Variants in SMARCA4 observed in about 807,000 individuals in gnomAD.
The protein encoded by SMARCA4 is SWI/SNF-related matrix-associated actin-dependent regulator of chromatin subfamily A member 4.
A neutral mutation model predicts 193.9 loss-of-function variants in SMARCA4; 31 were observed. The ratio of observed to expected loss-of-function variants is 0.16; its 90% CI spans 0.12 to 0.22. SMARCA4 has a LOEUF of 0.22. SMARCA4 is among the 10% of genes least tolerant of loss of function. The pLI is 1.00. For synonymous variants in SMARCA4, 942 were observed against 933.1 expected (o/e 1.01, Z -0.17); for missense variants, 1,148 against 2,296.0 (o/e 0.50, Z 10.22).
chr19:10,996,443 TG>T (rs1338135151), intron 10 of SMARCA4, 50 bp from the exon 11 acceptor site: 1 of 1,613,712 alleles, frequency 6.2e-7, no homozygotes, highest in East Asian at 2.2e-5. Flanking sequence ...TTCACGTGTG[TG>T]GCCTCAGCCT....
chr19:11,022,041 A>G (rs1600280770), intron 19 of SMARCA4, 74 bp downstream of exon 19: 1 of 1,602,422 alleles, frequency 6.2e-7, no homozygotes, highest in Non-Finnish European at 8.5e-7. Flanking sequence ...CGTGTTGAGC[A>G]CCAGCTACAG....
intron 30 of SMARCA4, among the ~76,000 whole-genome samples, chr19:11,045,642 C>CTTT (rs757114648): frequency 6.9e-6 from 1 of 144,050 alleles, no homozygotes. Flanking sequence ...TGTTAGTCCA[C>CTTT]TTTTTTTTTT....
At chr19:10,962,802 C>A (rs1382292104) in intron 1 of SMARCA4, among the ~76,000 whole-genome samples, 1 of 151,000 alleles carries the variant, frequency 6.6e-6, no homozygotes, top group African/African-American at 2.4e-5. Context: ...CTCGGCCTCC[C>A]AAAGTGCTAG....
chr19:11,046,507 G>T (rs1004354364), intron 30 of SMARCA4, among the ~76,000 whole-genome samples: 4 of 152,204 alleles, frequency 2.6e-5, no homozygotes, highest in African/African-American at 9.7e-5. Flanking sequence ...GAGTAACTAC[G>T]TTGGAATTAC....
At chr19:10,995,420 C>A (rs557055759) in intron 9 of SMARCA4, 2 of 462,226 alleles carry the variant, frequency 4.3e-6, no homozygotes, top group South Asian at 3.1e-5. Context: ...GACATGGCCC[C>A]TGCCTTTGTG....
chr19:11,019,067 C>A lies in SMARCA4; in HGVS notation c.2505+44C>A, dbSNP rs369243488. 6.7e-7 allele frequency: 1 copy of A among 1,483,158 alleles called. No homozygotes were observed. The highest frequency in any genetic ancestry group is 9.4e-7 in the Non-Finnish European group (1 of 1,060,516). The allele number at this position is 1,483,158 out of a possible 1,614,324, so 91.9% of individuals were successfully genotyped here. A position where few individuals can be genotyped will look rare whatever the true frequency, so the allele number is the denominator to read the frequency against. On this transcript the variant is annotated intron_variant, in intron 17 of 34. Transcript: ENST00000344626. This position sits in a 1 kb window ranked among gnomAD's most constrained non-coding sequence, Gnocchi z 6.1. ...GGTTTCCTCTCTTGCTACGGAGGTG[C>A]AGGCGGTGGTGGGCAGGACGTCCAC...
chr19:11,061,332 ACAG>A (rs1294533463), intron 34 of SMARCA4, among the ~76,000 whole-genome samples: 26 of 150,602 alleles, frequency 1.7e-4, no homozygotes, highest in African/African-American at 6.4e-4. Context: ...GTGACATGGG[ACAG>A]AGCAGGGAAG....
chr19:11,060,446 C>G (rs1341934832), intron 34 of SMARCA4: 1 of 571,132 alleles, frequency 1.8e-6, no homozygotes, highest in African/African-American at 1.9e-5. Flanking sequence ...CGTGAGTCCT[C>G]AGGACAGGCA....
At chr19:11,006,327 A>G (rs1030408052) in intron 13 of SMARCA4, among the ~76,000 whole-genome samples, 1 of 152,284 alleles carries the variant, frequency 6.6e-6, no homozygotes, top group Non-Finnish European at 1.5e-5. Context: ...TGATTAAACA[A>G]GTTCGTAGAT....
chr19:10,971,698 C>T (rs1455617632), intron 1 of SMARCA4, among the ~76,000 whole-genome samples: 1 of 151,840 alleles, frequency 6.6e-6, no homozygotes, highest in African/African-American at 2.4e-5. Flanking sequence ...AAATTCCTGG[C>T]CTCAAGTGAT....
intron 19 of SMARCA4, among the ~76,000 whole-genome samples, chr19:11,022,943 T>C (rs868714075): frequency 2.0e-5 from 3 of 152,380 alleles, no homozygotes; most frequent in Admixed American, 6.5e-5. Flanking sequence ...AAGAAAAGTT[T>C]TGGCGTCGTC....
In SMARCA4 at chr19:10,966,146, C is replaced by T. The variant is rs559881758; in HGVS notation, c.-32+4972C>T. ...TACAGGTGCCCGCCACCATGCCTGG[C>T]TAATTTTTTGTATATTTAGTAGAAA... On this transcript the variant is annotated intron_variant, in intron 1 of 34. Coordinates refer to ENST00000344626, the MANE Select transcript of SMARCA4 (RefSeq NM_003072.5). Among the ~76,000 whole-genome samples the T allele has an allele frequency of 1.6e-4, 24 of 152,026 alleles. No individual in the cohort carries two copies. In the East Asian group the frequency reaches 4.3e-3, roughly 27 times the overall value.
chr19:10,984,765 G>A lies in SMARCA4; in HGVS notation c.222+392G>A, dbSNP rs530528190. The stretch of plus-strand genomic sequence containing the variant: ...GCTCACCTGTGCAGCTCGCAGAGCC[G>A]AGCAGCGGGTTCCCTTTCCTCCAAG... On this transcript the variant is annotated intron_variant, in intron 2 of 34. Transcript: ENST00000344626. This position sits in a 1 kb window ranked among gnomAD's most constrained non-coding sequence, Gnocchi z 4.3. Among the ~76,000 whole-genome samples, 4 of 152,346 alleles carry A rather than the reference G, an allele frequency of 2.6e-5. No individual in the cohort carries two copies. Among genetic ancestry groups the A allele is most frequent in the South Asian group, 2.1e-4 (1 of 4,832 alleles).
intron 32 of SMARCA4, chr19:11,059,375 C>G: frequency 2.9e-6 from 1 of 341,310 alleles, no homozygotes; most frequent in South Asian, 2.7e-5. Context: ...GGATTGATTC[C>G]TCTCAGAAAA....
intron 30 of SMARCA4, among the ~76,000 whole-genome samples, chr19:11,044,182 C>T (rs1469248861): frequency 1.3e-5 from 2 of 151,996 alleles, no homozygotes; most frequent in Non-Finnish European, 2.9e-5. Flanking sequence ...GGATGAGCCT[C>T]GACCACCCCC....
rs2146822112 is a variant in SMARCA4 at position 11,041,519 on chromosome 19, G to C, written c.4383G>C (p.Lys1461Asn). 1 of 1,613,880 alleles carries C rather than the reference G, an allele frequency of 6.2e-7. No individual in the cohort carries two copies. The highest frequency in any genetic ancestry group is 8.5e-7 in the Non-Finnish European group (1 of 1,180,006). Residue 1461 changes from lysine (K) to asparagine (N), a missense_variant, in exon 30 of 35, where the codon AAG becomes AAC. Physicochemically the swap from Lys to Asn is moderately conservative, Grantham distance 94. Around this residue, in one of 17 missense-constraint regions of SMARCA4, gnomAD observed 141 missense variants for 193.0 expected, o/e 0.73. Transcript: ENST00000344626. This position sits in a 1 kb window ranked among gnomAD's most constrained non-coding sequence, Gnocchi z 5.6. ...CTAACCCACCCAACCTCACCAAGAA[G>C]ATGAAGAAGATTGTGGATGCCGTGA... ...LSPNPPNLTK[K>N]MKKIVDAVIK...
chr19:11,005,963 C>T (rs1462036140), intron 13 of SMARCA4, among the ~76,000 whole-genome samples: 1 of 152,172 alleles, frequency 6.6e-6, no homozygotes, highest in Non-Finnish European at 1.5e-5. Flanking sequence ...AAGTCTCACT[C>T]CTATTTTAAT....
At position 11,003,307 on chromosome 19, in the gene SMARCA4, A is replaced by G. The variant is rs373720518; in HGVS notation, c.1944-33A>G. 2.4e-5 allele frequency: 38 copies of G among 1,609,804 alleles called. No homozygotes were observed. In the African/African-American group the frequency reaches 3.1e-4, roughly 13 times the overall value. ...AAAGTGAATTCTGCTGGCTCTGAGC[A>G]GATTTGTATGAAAGCCCTTACATTT... On this transcript the variant is annotated intron_variant, in intron 12 of 34. Coordinates refer to ENST00000344626, the MANE Select transcript of SMARCA4 (RefSeq NM_003072.5).
chr19:11,031,956 A>T lies in SMARCA4; in HGVS notation c.3546+1063A>T, dbSNP rs2074957549. On this transcript the variant is annotated intron_variant, in intron 25 of 34. Transcript: ENST00000344626. The surrounding 1 kb of genome is among the most constrained non-coding windows in gnomAD (Gnocchi z 4.3). ...GCAGCGTGAGGGCAGCAGCGTTCTC[A>T]GTGTGTAAATTGTCGCTTGTCTGAT... 6.6e-6 allele frequency: 1 copy of T among 152,180 alleles called. No individual in the cohort carries two copies. Among genetic ancestry groups the T allele is most frequent in the Admixed American group, 6.5e-5 (1 of 15,278 alleles). The allele number at this position is 152,180 out of a possible 1,614,324, so 9.4% of individuals were successfully genotyped here.
Sources: allele counts gnomAD v4.1 joint callset (sites outside exome capture counted in the v4.1 genomes callset), GRCh38; gene constraint gnomAD v4.1.1; regional missense constraint gnomAD v4.1.1; non-coding constraint Gnocchi (gnomAD v3.1); transcripts MANE v1.5; gene names NCBI Gene and HGNC (gene_info 2026-07-23, HGNC 2026-07-21).